The following CPED1 variants were observed in gnomAD, a reference collection of about 807,000 sequenced individuals.
CPED1 encodes cadherin-like and PC-esterase domain-containing protein 1.
CPED1 carries 114 observed loss-of-function variants against 128.2 expected under a neutral mutation model. The ratio of observed to expected loss-of-function variants is 0.89; its 90% confidence interval spans 0.76 to 1.04. CPED1 has a LOEUF of 1.04. Among genes scored for constraint, CPED1 ranks in the 50% least tolerant of loss-of-function variants. The pLI, the probability that CPED1 is intolerant of heterozygous loss-of-function variation, is 0.00. For missense variants in CPED1, 1,211 were observed against 1,207.1 expected, an observed-to-expected ratio of 1.00 and a Z score of -0.05; for synonymous variants, 462 against 426.7, an observed-to-expected ratio of 1.08 and a Z score of -1.02.
chr7:121,072,454 A>G (rs1794019943), intron 5 of CPED1, among the ~76,000 whole-genome samples: 1 of 105,412 alleles, frequency 9.5e-6, no homozygotes, highest in South Asian at 3.4e-4. Context: ...ATAAATTTCC[A>G]TGCATTCCAA....
chr7:121,106,117 CATT>C (rs1194037701), intron 7 of CPED1, among the ~76,000 whole-genome samples: 1 of 152,006 alleles, frequency 6.6e-6, no homozygotes, highest in African/African-American at 2.4e-5. Context: ...AAAGGTACCT[CATT>C]AATAATAACT....
intron 5 of CPED1, among the ~76,000 whole-genome samples, chr7:121,092,603 T>C (rs1254581872): frequency 6.6e-6 from 1 of 152,196 alleles, no homozygotes; most frequent in Non-Finnish European, 1.5e-5. Flanking sequence ...GCTTGTAAAC[T>C]TGACTCTACC....
chr7:121,265,535 T>C (rs1226906987), intron 18 of CPED1, among the ~76,000 whole-genome samples: 1 of 152,018 alleles, frequency 6.6e-6, no homozygotes, highest in Non-Finnish European at 1.5e-5. Context: ...GAACTAGACA[T>C]TTGGAAATTT....
intron 22 of CPED1, among the ~76,000 whole-genome samples, chr7:121,294,688 T>G (rs1049469526): frequency 6.6e-6 from 1 of 151,816 alleles, no homozygotes; most frequent in African/African-American, 2.4e-5. Context: ...ATAAGTGTGC[T>G]CTTACACAAG....
intron 7 of CPED1, among the ~76,000 whole-genome samples, chr7:121,107,319 A>G (rs1478241535): frequency 6.6e-6 from 1 of 150,392 alleles, no homozygotes; most frequent in Non-Finnish European, 1.5e-5. Flanking sequence ...TGACAGGAAA[A>G]TATATTGGAA....
chr7:121,056,897 T>C (rs955123080), intron 4 of CPED1, among the ~76,000 whole-genome samples: 6 of 152,214 alleles, frequency 3.9e-5, no homozygotes, highest in Non-Finnish European at 8.8e-5. Flanking sequence ...ACCTTGAGTA[T>C]TTATTATTTC....
intron 3 of CPED1, among the ~76,000 whole-genome samples, chr7:121,024,059 C>A (rs1792507023): frequency 6.6e-6 from 1 of 152,020 alleles, no homozygotes; most frequent in Admixed American, 6.6e-5. Flanking sequence ...CTGCACTATT[C>A]TATTTTACTG....
Position 121,124,416 on chromosome 7 carries a change from T to C in CPED1, c.1004T>C (p.Leu335Pro). 1 of 1,608,774 alleles carries C rather than the reference T, an allele frequency of 6.2e-7. No individual in the cohort carries two copies. The highest frequency in any genetic ancestry group is 1.1e-5 in the South Asian group (1 of 90,468). The change falls in exon 8 of 23, where the codon CTG becomes CCG. Residue 335 changes from leucine (L) to proline (P), a missense_variant. Transcript: ENST00000310396. Reference sequence around the variant, plus strand: ...ATGAAGGAAGCAATTGGCAAACTACTGCTAGCGGCTGAAGTATTCAGTGAA... The same window carrying C: ...ATGAAGGAAGCAATTGGCAAACTACCGCTAGCGGCTGAAGTATTCAGTGAA... ...DIMKEAIGKL[L>P]LAAEVFSETS...
chr7:121,221,275 C>G (rs1435290882), intron 16 of CPED1, among the ~76,000 whole-genome samples: 1 of 152,096 alleles, frequency 6.6e-6, no homozygotes, highest in East Asian at 1.9e-4. Flanking sequence ...CATCCATGTC[C>G]CTGCAAAGGA....
At chr7:121,199,673 CAAAAAAAAA>C (rs1160203035) in intron 16 of CPED1, among the ~76,000 whole-genome samples, 5 of 86,944 alleles carry the variant, frequency 5.8e-5, no homozygotes, top group African/African-American at 1.8e-4. Flanking sequence ...GAGACTCCAT[CAAAAAAAAA>C]AAAAAAAAAA....
At chr7:121,189,759 T>TA (rs1481083114) in intron 16 of CPED1, among the ~76,000 whole-genome samples, 27 of 81,626 alleles carry the variant, frequency 3.3e-4, no homozygotes, top group South Asian at 9.9e-4. Flanking sequence ...CTTATGAGGT[T>TA]TTATATATAT....
chr7:121,015,687 A>G lies in CPED1; in HGVS notation c.272A>G (p.His91Arg). 2 of 1,600,780 alleles carry G rather than the reference A, an allele frequency of 1.2e-6. No homozygotes were observed. Among genetic ancestry groups the G allele is most frequent in the Non-Finnish European group, 1.7e-6 (2 of 1,175,938 alleles). Residue 91 changes from histidine to arginine, a missense_variant, in exon 3 of 23, where the codon CAC becomes CGC. Coordinates refer to ENST00000310396, the MANE Select transcript of CPED1 (RefSeq NM_024913.5). ...TRKVKESMET[H>R]FGSHGRRAIL... ...TAGGTCAAAGAATCAATGGAGACACACTTTGGCAGCCATGGCCGAAGGGCC... is the reference window on the plus strand; with the variant it reads ...TAGGTCAAAGAATCAATGGAGACACGCTTTGGCAGCCATGGCCGAAGGGCC...
intron 7 of CPED1, among the ~76,000 whole-genome samples, chr7:121,117,924 C>CAAA (rs34781215): frequency 6.9e-6 from 1 of 145,632 alleles, no homozygotes; most frequent in Non-Finnish European, 1.5e-5. Context: ...AAACATTTGC[C>CAAA]AAAAAAAAAA....
chr7:121,125,716 G>GGGCA (rs1264113138), intron 8 of CPED1, 104 bp from the exon 9 acceptor site: 1 of 739,618 alleles, frequency 1.4e-6, no homozygotes, highest in Non-Finnish European at 2.4e-6. Context: ...TATCATTAAT[G>GGGCA]GGCATTTGGG....
chr7:121,064,797 G>C (rs944772003), intron 5 of CPED1, among the ~76,000 whole-genome samples: 1 of 152,040 alleles, frequency 6.6e-6, no homozygotes, highest in African/African-American at 2.4e-5. Flanking sequence ...AGGAATTTGG[G>C]ACAAAAATTA....
chr7:121,040,716 A>G (rs1389606127), intron 3 of CPED1, among the ~76,000 whole-genome samples: 1 of 152,020 alleles, frequency 6.6e-6, no homozygotes, highest in African/African-American at 2.4e-5. Flanking sequence ...CTCACATATT[A>G]TATTATAAAG....
chr7:120,991,472 A>G (rs530804169), intron 2 of CPED1, among the ~76,000 whole-genome samples: 1 of 152,360 alleles, frequency 6.6e-6, no homozygotes, highest in East Asian at 1.9e-4. Flanking sequence ...ACATTGAGAA[A>G]GGCAATTTCT....
chr7:121,053,868 A>G (rs1793425525), intron 4 of CPED1, among the ~76,000 whole-genome samples: 3 of 152,168 alleles, frequency 2.0e-5, no homozygotes, highest in Admixed American at 2.0e-4. Context: ...TATTGTTATT[A>G]AATTTTTTGT....
Position 121,082,837 on chromosome 7 carries a change from C to A in CPED1, c.617-14862C>A, listed in dbSNP as rs909629642. Among the ~76,000 whole-genome samples the A allele has an allele frequency of 2.0e-5, 3 of 152,060 alleles. No individual in the cohort carries two copies. In the East Asian group the frequency reaches 5.8e-4, roughly 29 times the overall value. ...TATAAATAAGAAAATAAGAAAGGAG[C>A]TATTTAAAGAAAATTGTTTCAGCTA... On this transcript the variant is annotated intron_variant, in intron 5 of 22. Transcript: ENST00000310396.
Sources: allele counts gnomAD v4.1 joint callset (sites outside exome capture counted in the v4.1 genomes callset), GRCh38; gene constraint gnomAD v4.1.1; transcripts MANE v1.5; gene names NCBI Gene and HGNC (gene_info 2026-07-23, HGNC 2026-07-21).